Variants in CACNA2D3 observed in about 807,000 individuals in gnomAD.
CACNA2D3 encodes voltage-dependent calcium channel subunit alpha-2/delta-3.
In CACNA2D3, 60 loss-of-function variants were observed where a neutral mutation model predicts 160.6. That is an observed-to-expected ratio of 0.37 (90% CI 0.30 to 0.46). CACNA2D3 has a LOEUF of 0.46. Ranked by LOEUF, CACNA2D3 falls within the 20% of genes least tolerant of loss-of-function variation. The pLI is 1.00. For missense variants in CACNA2D3, 1,205 were observed against 1,365.0 expected (o/e 0.88, Z 1.85); for synonymous variants, 558 against 492.9 (o/e 1.13, Z -1.75).
chr3:54,541,078 C>T (rs966453027), intron 5 of CACNA2D3, among the ~76,000 whole-genome samples: 4 of 151,822 alleles, frequency 2.6e-5, no homozygotes, highest in Non-Finnish European at 2.9e-5. Context: ...GATATTGAGA[C>T]CATCCTGGCT....
chr3:55,061,136 G>A (rs935036961), intron 35 of CACNA2D3, among the ~76,000 whole-genome samples: 2 of 152,238 alleles, frequency 1.3e-5, no homozygotes, highest in Admixed American at 1.3e-4. Flanking sequence ...TGCAGGCAAA[G>A]CATCCTTCTG....
intron 2 of CACNA2D3, among the ~76,000 whole-genome samples, chr3:54,287,482 C>A (rs1409444035): frequency 6.6e-6 from 1 of 150,578 alleles, no homozygotes; most frequent in Admixed American, 6.6e-5. Flanking sequence ...TAATGGGAGA[C>A]TTTAACACCC....
At chr3:55,059,858 C>T (rs984840685) in intron 35 of CACNA2D3, among the ~76,000 whole-genome samples, 3 of 152,052 alleles carry the variant, frequency 2.0e-5, no homozygotes, top group African/African-American at 7.2e-5. Context: ...CCGTTCTCCT[C>T]TCCAACCGTC....
intron 11 of CACNA2D3, among the ~76,000 whole-genome samples, chr3:54,689,188 G>A (rs1267707664): frequency 4.0e-5 from 6 of 151,780 alleles, no homozygotes; most frequent in Non-Finnish European, 1.5e-5. Flanking sequence ...AGTCGATCTC[G>A]CCCTCTCCTT....
At chr3:54,971,039 A>T (rs1702266777) in intron 29 of CACNA2D3, among the ~76,000 whole-genome samples, 1 of 152,170 alleles carries the variant, frequency 6.6e-6, no homozygotes, top group African/African-American at 2.4e-5. Context: ...GGATGAAGTT[A>T]AAACAAAATG....
chr3:54,783,966 T>TTA (rs1193776561), intron 13 of CACNA2D3, among the ~76,000 whole-genome samples: 1 of 152,226 alleles, frequency 6.6e-6, no homozygotes, highest in Non-Finnish European at 1.5e-5. Flanking sequence ...ATCCTATAAT[T>TTA]TATATAACCC....
intron 2 of CACNA2D3, among the ~76,000 whole-genome samples, chr3:54,123,824 G>T (rs887708715): frequency 1.3e-5 from 2 of 152,188 alleles, no homozygotes; most frequent in African/African-American, 4.8e-5. Flanking sequence ...CACTCGCACT[G>T]TCCTGGCTGG....
intron 11 of CACNA2D3, among the ~76,000 whole-genome samples, chr3:54,705,437 C>G (rs1700840708): frequency 6.6e-6 from 1 of 152,192 alleles, no homozygotes. Context: ...TCCCCAGCCC[C>G]TGGTAACATG....
intron 5 of CACNA2D3, among the ~76,000 whole-genome samples, chr3:54,534,765 A>AC (rs1179571614): frequency 6.6e-6 from 1 of 151,594 alleles, no homozygotes; most frequent in Non-Finnish European, 1.5e-5. Flanking sequence ...TCTACAAAAA[A>AC]AAAATAGAAA....
intron 11 of CACNA2D3, among the ~76,000 whole-genome samples, chr3:54,702,687 G>A (rs1404851157): frequency 6.6e-6 from 1 of 152,132 alleles, no homozygotes; most frequent in Non-Finnish European, 1.5e-5. Flanking sequence ...AGATTTCTCA[G>A]AGAACTTAGA....
intron 9 of CACNA2D3, among the ~76,000 whole-genome samples, chr3:54,618,375 G>GCACGCACA (rs1698906593): frequency 1.7e-5 from 2 of 115,514 alleles, no homozygotes; most frequent in African/African-American, 6.8e-5. Context: ...ATATATATAT[G>GCACGCACA]CACACACACA....
At chr3:54,161,109 T>C (rs1700335804) in intron 2 of CACNA2D3, among the ~76,000 whole-genome samples, 1 of 152,152 alleles carries the variant, frequency 6.6e-6, no homozygotes, top group African/African-American at 2.4e-5. Context: ...TGAAAGACAG[T>C]GTCATGCCAT....
intron 9 of CACNA2D3, among the ~76,000 whole-genome samples, chr3:54,622,897 A>G (rs2106807644): frequency 1.3e-5 from 2 of 152,330 alleles, no homozygotes; most frequent in Middle Eastern, 3.4e-3. Flanking sequence ...TGCTGTGTAT[A>G]AAGTGCTGTA....
chr3:54,507,853 G>A (rs1050443237), intron 5 of CACNA2D3, among the ~76,000 whole-genome samples: 2 of 152,170 alleles, frequency 1.3e-5, no homozygotes, highest in Non-Finnish European at 2.9e-5. Context: ...TCATCCCTAA[G>A]CTGGAGATGA....
intron 4 of CACNA2D3, among the ~76,000 whole-genome samples, chr3:54,431,581 A>G (rs186460779): frequency 1.0e-3 from 157 of 152,246 alleles, no homozygotes; most frequent in African/African-American, 3.3e-3. Context: ...GTATATATGT[A>G]TATTTTTAAA....
intron 3 of CACNA2D3, among the ~76,000 whole-genome samples, chr3:54,367,070 C>T (rs1437077948): frequency 3.3e-5 from 5 of 152,170 alleles, no homozygotes; most frequent in East Asian, 3.9e-4. Context: ...TTATTGACTT[C>T]GAATCTATCC....
At chr3:54,123,267 T>C (rs184740746) in intron 1 of CACNA2D3, among the ~76,000 whole-genome samples, 80 of 152,050 alleles carry the variant, frequency 5.3e-4, no homozygotes, top group African/African-American at 1.9e-3. Context: ...GTGGTCTTTT[T>C]AGAGAGCCTG....
At chr3:54,156,370 C>T (rs1700244005) in intron 2 of CACNA2D3, among the ~76,000 whole-genome samples, 1 of 152,202 alleles carries the variant, frequency 6.6e-6, no homozygotes, top group Admixed American at 6.5e-5. Context: ...GCTGGGCCTT[C>T]ATACACTAAT....
chr3:54,226,016 A>T (rs1344847461), intron 2 of CACNA2D3, among the ~76,000 whole-genome samples: 1 of 152,074 alleles, frequency 6.6e-6, no homozygotes, highest in Non-Finnish European at 1.5e-5. Flanking sequence ...TCTATTTCTG[A>T]CTGGCCCTTA....
Sources: allele counts gnomAD v4.1 joint callset (sites outside exome capture counted in the v4.1 genomes callset), GRCh38; gene constraint gnomAD v4.1.1; transcripts MANE v1.5; gene names NCBI Gene and HGNC (gene_info 2026-07-23, HGNC 2026-07-21).